Variants in CACNA1C observed in about 807,000 individuals in gnomAD.
CACNA1C encodes calcium voltage-gated channel subunit alpha1 C.
CACNA1C carries 30 observed loss-of-function variants against 229.0 expected under a neutral mutation model. The observed-to-expected ratio is 0.13, with a 90% CI of 0.10 to 0.18. CACNA1C has a LOEUF of 0.18. Among genes scored for constraint, CACNA1C ranks in the 10% least tolerant of loss-of-function variants. CACNA1C has a pLI of 1.00. For synonymous variants in CACNA1C, 1,114 were observed against 1,132.5 expected (o/e 0.98, Z 0.33); for missense variants, 1,658 against 2,845.0 (o/e 0.58, Z 9.49).
At position 2,111,730 on chromosome 12, in the gene CACNA1C, G is replaced by A. The variant is rs915232626; in HGVS notation, c.50-3494G>A. Among the ~76,000 whole-genome samples the A allele has an allele frequency of 2.0e-5, 3 of 152,240 alleles. No individual in the cohort carries two copies. In the South Asian group the frequency reaches 6.2e-4, roughly 32 times the overall value. On this transcript the variant is annotated intron_variant, in intron 1 of 46. Coordinates refer to ENST00000399655, the MANE Select transcript of CACNA1C (RefSeq NM_000719.7). ...TGTCAGTGCCAAACAGAGAGTCTAG[G>A]AAGAAAAAATTATATACCACAGATT...
At chr12:2,415,138 G>T (rs140575108) in intron 3 of CACNA1C, among the ~76,000 whole-genome samples, 2 of 152,206 alleles carry the variant, frequency 1.3e-5, no homozygotes, top group African/African-American at 2.4e-5. Flanking sequence ...GGGGGCTCAC[G>T]CAGAGGATCC....
rs1405696068 is a variant in CACNA1C at position 2,106,667 on chromosome 12, G to A, written c.50-8557G>A. Among the ~76,000 whole-genome samples the A allele has an allele frequency of 7.1e-5, 3 of 42,292 alleles. 1 individual carries two copies. Among genetic ancestry groups the A allele is most frequent in the Middle Eastern group, 0.037 (2 of 54 alleles). 27.7% of individuals were successfully genotyped at this position (42,292 alleles called of 152,430 possible). ...CACCCCGGGGAGGGTTTCCACCTCAGCTGGGGCGTCCTGAAGCCACTGGGC... is the reference window on the plus strand; with the variant it reads ...CACCCCGGGGAGGGTTTCCACCTCAACTGGGGCGTCCTGAAGCCACTGGGC... On this transcript the variant is annotated intron_variant, in intron 1 of 46. Coordinates refer to ENST00000399655, the MANE Select transcript of CACNA1C (RefSeq NM_000719.7).
intron 30 of CACNA1C, among the ~76,000 whole-genome samples, chr12:2,640,872 G>A (rs1219856074): frequency 2.6e-5 from 4 of 152,242 alleles, no homozygotes; most frequent in African/African-American, 9.6e-5. Flanking sequence ...GTCATAGAGA[G>A]AGCTACTTGC....
chr12:2,020,075 A>G (rs1364653561), intron 1 of CACNA1C: 1 of 152,144 alleles, frequency 6.6e-6, no homozygotes, highest in Non-Finnish European at 1.5e-5. Context: ...CCTCTCTCAC[A>G]TGCACACATA....
At chr12:2,084,051 C>A (rs2066655985) in intron 1 of CACNA1C, among the ~76,000 whole-genome samples, 1 of 152,172 alleles carries the variant, frequency 6.6e-6, no homozygotes, top group South Asian at 2.1e-4. Flanking sequence ...GTATATCTGT[C>A]CTCCTCTTTG....
At chr12:2,682,995 C>T (rs1014560547) in intron 43 of CACNA1C, among the ~76,000 whole-genome samples, 1 of 92,490 alleles carries the variant, frequency 1.1e-5, no homozygotes, top group Non-Finnish European at 2.3e-5. Context: ...GGCTGTAAGA[C>T]ACAGTCATAA....
chr12:2,631,332 A>G (rs1460360500), intron 29 of CACNA1C, among the ~76,000 whole-genome samples: 1 of 152,182 alleles, frequency 6.6e-6, no homozygotes, highest in African/African-American at 2.4e-5. Context: ...GCTGATGCAG[A>G]GAATTCCTGG....
chr12:2,311,715 C>T (rs150422011), intron 3 of CACNA1C, among the ~76,000 whole-genome samples: 190 of 152,266 alleles, frequency 1.2e-3, no homozygotes, highest in African/African-American at 4.3e-3. Flanking sequence ...TCATGGTGGG[C>T]CTGCAGAGAA....
intron 3 of CACNA1C, among the ~76,000 whole-genome samples, chr12:2,289,988 G>T (rs1011215171): frequency 6.6e-6 from 1 of 152,158 alleles, no homozygotes; most frequent in Non-Finnish European, 1.5e-5. Flanking sequence ...GTCCAAAATC[G>T]CACAGCTAGT....
In CACNA1C at chr12:2,354,724, C is replaced by T. The variant is rs2097305814; in HGVS notation, c.478-94252C>T. ...TTCTGAGCATGGCAAGAGAATCCTG[C>T]ATGTCACTTGGGCCTGACACCTGCT... is the stretch of plus-strand genomic sequence containing the variant. On this transcript the variant is annotated intron_variant, in intron 3 of 46. Transcript: ENST00000399655. The surrounding 1 kb of genome is among the most constrained non-coding windows in gnomAD (Gnocchi z 4.6). Among the ~76,000 whole-genome samples, 1 of 152,174 alleles carries T rather than the reference C, an allele frequency of 6.6e-6. No homozygotes were observed. The highest frequency in any genetic ancestry group is 2.1e-4 in the South Asian group (1 of 4,824).
At chr12:2,600,940 G>T (rs1309799245) in intron 21 of CACNA1C, among the ~76,000 whole-genome samples, 5 of 152,158 alleles carry the variant, frequency 3.3e-5, no homozygotes, top group Non-Finnish European at 7.4e-5. Context: ...CAACCCTGTA[G>T]GGTAGACCTT....
rs2096913831 is a variant in CACNA1C, at chr12:2,678,092, G to A, written c.5091+225G>A. ...GAAACAGCAGCTCTCAGTGTCACTG[G>A]CTCTCAGAGAAGCGGGAAGGAACCG... On this transcript the variant is annotated intron_variant, in intron 41 of 46. Transcript: ENST00000399655. This position sits in a 1 kb window ranked among gnomAD's most constrained non-coding sequence, Gnocchi z 4.1. 6.6e-6 allele frequency among the ~76,000 whole-genome samples: 1 copy of A among 152,210 alleles called. No homozygotes were observed. The highest frequency in any genetic ancestry group is 2.1e-4 in the South Asian group (1 of 4,836).
chr12:2,296,911 G>C (rs558104128), intron 3 of CACNA1C, among the ~76,000 whole-genome samples: 2 of 152,310 alleles, frequency 1.3e-5, no homozygotes, highest in South Asian at 4.2e-4. Context: ...CTAACACCTT[G>C]ATCAGAATCA....
intron 29 of CACNA1C, chr12:2,614,575 T>C (rs1365878997): frequency 6.6e-6 from 1 of 152,244 alleles, no homozygotes; most frequent in Non-Finnish European, 1.5e-5. Flanking sequence ...CAAGAACCAG[T>C]GGCTTCTAAC....
intron 1 of CACNA1C, among the ~76,000 whole-genome samples, chr12:2,089,965 G>T (rs140818054): frequency 6.6e-6 from 1 of 152,118 alleles, no homozygotes; most frequent in Non-Finnish European, 1.5e-5. Flanking sequence ...GGAGGCGGAG[G>T]TTGCGGTGAG....
At chr12:2,387,565 T>A (rs2098414936) in intron 3 of CACNA1C, among the ~76,000 whole-genome samples, 4 of 151,612 alleles carry the variant, frequency 2.6e-5, no homozygotes, top group Non-Finnish European at 2.9e-5. Flanking sequence ...AAGAAAGCAA[T>A]GACTAATAAT....
intron 3 of CACNA1C, among the ~76,000 whole-genome samples, chr12:2,311,336 C>T (rs961660564): frequency 5.3e-5 from 8 of 152,196 alleles, no homozygotes; most frequent in Non-Finnish European, 7.3e-5. Context: ...CATTGCAAGA[C>T]GTGTGCTGGA....
At chr12:2,457,075 C>T (rs974859114) in intron 4 of CACNA1C, among the ~76,000 whole-genome samples, 3 of 152,206 alleles carry the variant, frequency 2.0e-5, no homozygotes, top group African/African-American at 7.2e-5. Context: ...CACGCACCTC[C>T]TGAGCAGCCA....
chr12:2,599,139 T>C (rs774171958), intron 21 of CACNA1C, among the ~76,000 whole-genome samples: 6 of 152,172 alleles, frequency 3.9e-5, no homozygotes, highest in Non-Finnish European at 7.3e-5. Flanking sequence ...TCCTTCGGGA[T>C]TGCCATACAA....
Sources: allele counts gnomAD v4.1 joint callset (sites outside exome capture counted in the v4.1 genomes callset), GRCh38; gene constraint gnomAD v4.1.1; non-coding constraint Gnocchi (gnomAD v3.1); transcripts MANE v1.5; gene names NCBI Gene and HGNC (gene_info 2026-07-23, HGNC 2026-07-21).